Variants in RGS22 observed in about 807,000 individuals in gnomAD.
RGS22 encodes the protein regulator of G-protein signaling 22.
RGS22 carries 148 observed loss-of-function variants against 172.9 expected under a neutral mutation model. The ratio of observed to expected loss-of-function variants is 0.86; its 90% CI spans 0.75 to 0.98. The LOEUF (loss-of-function observed/expected upper bound fraction) is 0.98, where lower values mean the gene tolerates loss of function less well. Among genes scored for constraint, RGS22 ranks in the 50% least tolerant of loss-of-function variants. The probability of loss-of-function intolerance (pLI) is 0.00; values close to 1 mark genes in which losing one functional copy is unlikely to be tolerated. For missense variants in RGS22, 1,347 were observed against 1,440.8 expected (o/e 0.93, Z 1.05); for synonymous variants, 458 against 480.2 (o/e 0.95, Z 0.60).
At chr8:100,016,554 G>A (rs1816977378) in intron 14 of RGS22, among the ~76,000 whole-genome samples, 1 of 152,116 alleles carries the variant, frequency 6.6e-6, no homozygotes. Context: ...GAGGCAGGCA[G>A]ATCACGAGGT....
intron 3 of RGS22, among the ~76,000 whole-genome samples, chr8:100,086,354 G>A (rs1478881863): frequency 6.6e-6 from 1 of 152,058 alleles, no homozygotes; most frequent in Admixed American, 6.6e-5. Context: ...AACTTACACT[G>A]TTGAACCAAT....
intron 19 of RGS22, 81 bp downstream of exon 19, chr8:99,999,181 G>T: frequency 2.5e-6 from 3 of 1,206,028 alleles, no homozygotes; most frequent in Non-Finnish European, 3.4e-6. Context: ...AAAGGACAAT[G>T]GCTGGGTCAC....
At chr8:100,022,190 G>A (rs1464131342) in intron 14 of RGS22, among the ~76,000 whole-genome samples, 4 of 152,110 alleles carry the variant, frequency 2.6e-5, no homozygotes, top group Non-Finnish European at 4.4e-5. Flanking sequence ...GGATTGCAAC[G>A]TCTTGATACC....
At chr8:99,987,412 T>C in intron 21 of RGS22, 46 bp downstream of exon 21, 1 of 1,431,888 alleles carries the variant, frequency 7.0e-7, no homozygotes, top group Non-Finnish European at 9.5e-7. Flanking sequence ...TTTTAATGCA[T>C]TTCCTCCTCA....
At chr8:100,012,089 A>C (rs932156584) in intron 14 of RGS22, among the ~76,000 whole-genome samples, 4 of 151,518 alleles carry the variant, frequency 2.6e-5, no homozygotes, top group African/African-American at 9.7e-5. Context: ...AATGGTGTTA[A>C]TAATATATAT....
chr8:99,982,134 T>G lies in RGS22; in HGVS notation c.3181-18A>C. On this transcript the variant is annotated intron_variant, in intron 21 of 27. Transcript: ENST00000360863. ...CACAAGTCCTGAACAGAAGGAAAGA[T>G]AGAATGGTATATAATTAATGCATTA... The G allele has an allele frequency of 1.3e-6, 2 of 1,580,876 alleles. No homozygotes were observed. Among genetic ancestry groups the G allele is most frequent in the Non-Finnish European group, 1.7e-6 (2 of 1,159,952 alleles).
At chr8:100,066,449 A>T (rs977163590) in intron 6 of RGS22, among the ~76,000 whole-genome samples, 153 bp from the exon 7 acceptor site, 17 of 152,224 alleles carry the variant, frequency 1.1e-4, no homozygotes, top group African/African-American at 4.1e-4. Flanking sequence ...TCTACTGAAA[A>T]AATTAATTAG....
chr8:100,047,628 T>A (rs1274359317), intron 10 of RGS22, 32 bp from the exon 11 acceptor site: 1 of 1,588,046 alleles, frequency 6.3e-7, no homozygotes, highest in Non-Finnish European at 8.5e-7. Context: ...AAGATGAAAA[T>A]GAGAGAGAAA....
intron 9 of RGS22, among the ~76,000 whole-genome samples, chr8:100,061,606 CA>C (rs1810139385): frequency 6.6e-6 from 1 of 152,176 alleles, no homozygotes; most frequent in Non-Finnish European, 1.5e-5. Context: ...GATACCATCT[CA>C]AGCCAGTCAG....
intron 10 of RGS22, among the ~76,000 whole-genome samples, chr8:100,052,247 ATATATAAATG>A (rs1439882544): frequency 4.2e-4 from 58 of 138,364 alleles, no homozygotes; most frequent in African/African-American, 9.0e-4. Context: ...TTATATATAA[ATATATAAATG>A]TATATAAATG....
Position 100,082,928 on chromosome 8 carries a change from C to A in RGS22, c.118-2573G>T, listed in dbSNP as rs191697654. ...GTAACTCTACGCAGCTGGATTAGAA[C>A]AAGAATAGCCGTAGTTGGAATAGTT... On this transcript the variant is annotated intron_variant, in intron 3 of 27. Coordinates refer to ENST00000360863, the MANE Select transcript of RGS22 (RefSeq NM_015668.5). 9.2e-5 allele frequency among the ~76,000 whole-genome samples: 14 copies of A among 152,150 alleles called. No individual in the cohort carries two copies. In the East Asian group the frequency reaches 2.3e-3, roughly 25 times the overall value.
intron 13 of RGS22, among the ~76,000 whole-genome samples, chr8:100,039,487 C>G (rs1819876694): frequency 6.6e-6 from 1 of 151,930 alleles, no homozygotes; most frequent in South Asian, 2.1e-4. Flanking sequence ...AGTGATTCTC[C>G]CACCTCAGCC....
At chr8:100,036,959 G>A (rs1052571330) in intron 14 of RGS22, among the ~76,000 whole-genome samples, 2 of 151,996 alleles carry the variant, frequency 1.3e-5, no homozygotes, top group Non-Finnish European at 2.9e-5. Context: ...TCAATCCAAC[G>A]ATCTAAATTG....
chr8:100,086,861 G>A (rs999853182), intron 3 of RGS22, among the ~76,000 whole-genome samples: 68 of 152,090 alleles, frequency 4.5e-4, no homozygotes, highest in African/African-American at 1.5e-3. Flanking sequence ...TTACAACAAG[G>A]AGGAGCCACT....
intron 6 of RGS22, among the ~76,000 whole-genome samples, chr8:100,069,936 G>A (rs1338680613): frequency 6.8e-6 from 1 of 146,544 alleles, no homozygotes; most frequent in African/African-American, 2.5e-5. Flanking sequence ...GCTGAGGCAG[G>A]AGAATTGCTT....
At chr8:99,993,491 A>C (rs754558843) in intron 20 of RGS22, among the ~76,000 whole-genome samples, 1 of 152,206 alleles carries the variant, frequency 6.6e-6, no homozygotes, top group Non-Finnish European at 1.5e-5. Context: ...AAACAACTCT[A>C]TGCAGATGAA....
intron 18 of RGS22, among the ~76,000 whole-genome samples, chr8:100,001,219 T>TATATATATATATATACAC (rs1402594104): frequency 7.6e-4 from 101 of 132,942 alleles, no homozygotes; most frequent in African/African-American, 2.2e-3. Flanking sequence ...TATATATATA[T>TATATATATATATATACAC]ACATATATAT....
At chr8:99,977,896 C>T (rs1425147743) in intron 23 of RGS22, 21 bp downstream of exon 23, 2 of 1,543,032 alleles carry the variant, frequency 1.3e-6, no homozygotes, top group African/African-American at 2.9e-5. Context: ...CTGATAAAAC[C>T]CAAAATGAGT....
At chr8:100,067,869 C>T (rs959141241) in intron 6 of RGS22, among the ~76,000 whole-genome samples, 7 of 152,116 alleles carry the variant, frequency 4.6e-5, no homozygotes, top group Non-Finnish European at 1.0e-4. Context: ...ATGATCCGCC[C>T]GCCTCAGCCT....
Sources: gnomAD v4.1 joint callset for allele counts (sites outside exome capture counted in the v4.1 genomes callset) on GRCh38, gnomAD v4.1.1 for gene constraint, MANE v1.5 for transcripts, NCBI Gene and HGNC (gene_info 2026-07-23, HGNC 2026-07-21) for gene names.